The following ADK variants were observed in gnomAD, a reference collection of about 807,000 sequenced individuals.
ADK encodes the protein N6,N6-dimethyladenosine kinase.
In ADK, 24 loss-of-function variants were observed where a neutral mutation model predicts 44.7. The ratio of observed to expected loss-of-function variants is 0.54; its 90% CI spans 0.39 to 0.76. ADK has a LOEUF of 0.76. Among genes scored for constraint, ADK ranks in the 30% least tolerant of loss-of-function variants. The probability of loss-of-function intolerance (pLI) is 0.00; values close to 1 mark genes in which losing one functional copy is unlikely to be tolerated. For synonymous variants in ADK, 128 were observed against 142.6 expected (o/e 0.90, Z 0.73); for missense variants, 321 against 425.1 (o/e 0.76, Z 2.15).
chr10:74,551,824 A>C (rs1850043781), intron 7 of ADK, among the ~76,000 whole-genome samples: 1 of 152,082 alleles, frequency 6.6e-6, no homozygotes, highest in African/African-American at 2.4e-5. Flanking sequence ...TCTTCAGGGG[A>C]TTGGTTTCAG....
intron 3 of ADK, among the ~76,000 whole-genome samples, chr10:74,274,732 G>GTGTATGTATATATATATATATATATA (rs1554836801): frequency 1.2e-5 from 1 of 84,168 alleles, no homozygotes; most frequent in African/African-American, 4.4e-5. Context: ...TTTAATGTGT[G>GTGTATGTATATATATATATATATATA]TATATATATA....
intron 10 of ADK, among the ~76,000 whole-genome samples, chr10:74,692,970 G>A (rs1204857467): frequency 6.6e-6 from 1 of 152,148 alleles, no homozygotes; most frequent in Admixed American, 6.5e-5. Flanking sequence ...AAAAAAGTCA[G>A]TAGCTACCAT....
At chr10:74,287,291 CCT>C (rs1037907219) in intron 3 of ADK, among the ~76,000 whole-genome samples, 3 of 151,972 alleles carry the variant, frequency 2.0e-5, no homozygotes, top group Non-Finnish European at 4.4e-5. Flanking sequence ...GGTGAAACCC[CCT>C]GTCTACTAAA....
At chr10:74,241,793 C>T (rs562758965) in intron 3 of ADK, among the ~76,000 whole-genome samples, 1 of 152,316 alleles carries the variant, frequency 6.6e-6, no homozygotes, top group African/African-American at 2.4e-5. Context: ...GCCTGCAGCT[C>T]CTGGCCTCAA....
chr10:74,244,462 G>T (rs1219275982), intron 3 of ADK, among the ~76,000 whole-genome samples: 1 of 152,142 alleles, frequency 6.6e-6, no homozygotes, highest in East Asian at 1.9e-4. Context: ...CTTGATAAAG[G>T]TAAAGATGAA....
intron 4 of ADK, among the ~76,000 whole-genome samples, chr10:74,347,106 CAAAAAAAAAAAAAAAAAAAAAAAAA>C (rs58074760): frequency 3.2e-5 from 3 of 92,342 alleles, no homozygotes; most frequent in Admixed American, 1.1e-4. Flanking sequence ...CACTCTGTCT[CAAAAAAAAAAAAAAAAAAAAAAAAA>C]AAAAAAAAAA....
chr10:74,446,436 TGCCTGTGGAAGTATA>T (rs1845588015), intron 6 of ADK, among the ~76,000 whole-genome samples: 2 of 152,122 alleles, frequency 1.3e-5, no homozygotes, highest in South Asian at 4.1e-4. Flanking sequence ...TAAACTAGGT[TGCCTGTGGAAGTATA>T]GTGAGAGACG....
intron 7 of ADK, among the ~76,000 whole-genome samples, chr10:74,567,091 AG>A (rs1348043035): frequency 6.6e-6 from 1 of 152,218 alleles, no homozygotes; most frequent in Non-Finnish European, 1.5e-5. Context: ...TAAGAGGCAA[AG>A]GAAGAACTGG....
intron 3 of ADK, among the ~76,000 whole-genome samples, chr10:74,253,847 A>T (rs1242225691): frequency 6.7e-6 from 1 of 149,784 alleles, no homozygotes; most frequent in African/African-American, 2.5e-5. Flanking sequence ...GCTCACTGCA[A>T]CCTCTGCCTC....
chr10:74,353,568 G>GT (rs914306946), intron 4 of ADK, among the ~76,000 whole-genome samples: 3 of 87,406 alleles, frequency 3.4e-5, no homozygotes, highest in Non-Finnish European at 7.8e-5. Flanking sequence ...AGAACTTAAA[G>GT]TTAAAAAAAA....
intron 6 of ADK, among the ~76,000 whole-genome samples, chr10:74,477,709 T>C (rs1846910970): frequency 6.6e-6 from 1 of 152,132 alleles, no homozygotes; most frequent in South Asian, 2.1e-4. Context: ...ACCTTCCCTC[T>C]CCCAATTACT....
intron 6 of ADK, among the ~76,000 whole-genome samples, chr10:74,439,872 C>T (rs963228356): frequency 1.3e-5 from 2 of 151,904 alleles, no homozygotes; most frequent in African/African-American, 4.8e-5. Context: ...TATAGACTAA[C>T]ATAATTTCTA....
chr10:74,670,040 A>C, intron 9 of ADK, 143 bp from the exon 10 acceptor site: 1 of 710,500 alleles, frequency 1.4e-6, no homozygotes, highest in Non-Finnish European at 2.5e-6. Flanking sequence ...TTAGTTCCCA[A>C]GTGCCCCTGT....
chr10:74,359,302 C>T (rs906685362), intron 4 of ADK, among the ~76,000 whole-genome samples: 5 of 152,032 alleles, frequency 3.3e-5, no homozygotes, highest in Admixed American at 1.3e-4. Context: ...TATTTGGGGT[C>T]TTCTGTGGTT....
At chr10:74,514,082 G>A (rs1045501393) in intron 6 of ADK, among the ~76,000 whole-genome samples, 17 of 152,080 alleles carry the variant, frequency 1.1e-4, no homozygotes, top group Admixed American at 9.2e-4. Context: ...TTTGCTGGGC[G>A]TATTCTTGGG....
At chr10:74,273,274 A>C (rs1846513141) in intron 3 of ADK, among the ~76,000 whole-genome samples, 1 of 152,078 alleles carries the variant, frequency 6.6e-6, no homozygotes, top group South Asian at 2.1e-4. Context: ...CCAGGGCAGC[A>C]CTTATCCTGC....
chr10:74,425,345 G>A (rs1844752182), intron 6 of ADK, among the ~76,000 whole-genome samples: 1 of 152,154 alleles, frequency 6.6e-6, no homozygotes, highest in African/African-American at 2.4e-5. Context: ...CTGTAGGGTA[G>A]ACATCATTCT....
intron 10 of ADK, among the ~76,000 whole-genome samples, chr10:74,686,799 C>T (rs185152909): frequency 6.6e-6 from 1 of 152,186 alleles, no homozygotes; most frequent in African/African-American, 2.4e-5. Flanking sequence ...GCCTCAGCCT[C>T]CCAAGTAGCT....
chr10:74,594,226 A>G (rs1851817841), intron 8 of ADK, among the ~76,000 whole-genome samples: 1 of 151,978 alleles, frequency 6.6e-6, no homozygotes, highest in African/African-American at 2.4e-5. Flanking sequence ...AGGAGAAATA[A>G]CTAATGTAGA....
Sources: allele counts gnomAD v4.1 joint callset (sites outside exome capture counted in the v4.1 genomes callset), GRCh38; gene constraint gnomAD v4.1.1; transcripts MANE v1.5; gene names NCBI Gene and HGNC (gene_info 2026-07-23, HGNC 2026-07-21).